Variants in PUF60 observed in about 807,000 individuals in gnomAD.
PUF60 encodes poly(U) binding splicing factor 60.
A neutral mutation model predicts 61.8 loss-of-function variants in PUF60; 10 were observed. That is an observed-to-expected ratio of 0.16 (90% confidence interval 0.10 to 0.27). The LOEUF (loss-of-function observed/expected upper bound fraction) is 0.27. Among genes scored for constraint, PUF60 ranks in the 10% least tolerant of loss-of-function variants. PUF60 has a pLI of 1.00. For missense variants in PUF60, 371 were observed against 754.0 expected (o/e 0.49, Z 5.95); for synonymous variants, 353 against 300.9 (o/e 1.17, Z -1.79).
rs940333309 is a variant in PUF60 at position 143,817,657 on chromosome 8, G to C, written c.943C>G (p.Pro315Ala). ...GCAGCGGCAGGTGGGAGGCCTCCAGGCGTGGCTGGTGTGAGTAGGGGCATG... is the reference window on the plus strand; with the variant it reads ...GCAGCGGCAGGTGGGAGGCCTCCAGCCGTGGCTGGTGTGAGTAGGGGCATG... Reference protein sequence around the residue: ...PPMPLLTPATPGGLPPAAAVA... With the variant: ...PPMPLLTPATAGGLPPAAAVA... The change falls in exon 9 of 12, where the codon CCT becomes GCT. Residue 315 changes from proline to alanine, a missense_variant. Pro to Ala is a conservative substitution (Grantham distance 27). Around this residue, in one of 13 missense-constraint regions of PUF60, gnomAD observed 17 missense variants for 19.2 expected, o/e 0.89. Coordinates refer to ENST00000526683, the MANE Select transcript of PUF60 (RefSeq NM_078480.3). The surrounding 1 kb of genome is among the most constrained non-coding windows in gnomAD (Gnocchi z 7.4). The C allele has an allele frequency of 6.2e-7, 1 of 1,612,496 alleles. No homozygotes were observed. Among genetic ancestry groups the C allele is most frequent in the Non-Finnish European group, 8.5e-7 (1 of 1,179,864 alleles).
chr8:143,824,722 G>T, intron 1 of PUF60: 1 of 388,322 alleles, frequency 2.6e-6, no homozygotes, highest in Non-Finnish European at 4.7e-6. Context: ...CAGGCTGGAC[G>T]GCCAAAGGAA....
chr8:143,827,407 G>T lies in PUF60; in HGVS notation c.24+1873C>A, dbSNP rs781539311. Reference sequence around the variant, plus strand: ...TACCCTTGCTGCAAAGAGGCAGCCGGCCTCATTCTGCAGCCACCAGGCAGA... The same window carrying T: ...TACCCTTGCTGCAAAGAGGCAGCCGTCCTCATTCTGCAGCCACCAGGCAGA... On this transcript the variant is annotated intron_variant, in intron 1 of 11. Coordinates refer to ENST00000526683, the MANE Select transcript of PUF60 (RefSeq NM_078480.3). 3.7e-5 allele frequency: 17 copies of T among 456,170 alleles called. No homozygotes were observed. Among genetic ancestry groups the T allele is most frequent in the Non-Finnish European group, 1.3e-5 (3 of 226,970 alleles). 28.3% of individuals were successfully genotyped at this position (456,170 alleles called of 1,614,324 possible). A position where few individuals can be genotyped will look rare whatever the true frequency, so the allele number is the denominator to read the frequency against.
Position 143,818,360 on chromosome 8 carries a change from C to T in PUF60, c.510+13G>A. The stretch of plus-strand genomic sequence containing the variant: ...CGAGCCCGAAGTGGCCGGGGCGGAC[C>T]AAGCCTGCTGACCTTGTGCTTCATG... On this transcript the variant is annotated intron_variant, in intron 6 of 11. Transcript: ENST00000526683. The surrounding 1 kb of genome is among the most constrained non-coding windows in gnomAD (Gnocchi z 7.9). The T allele has an allele frequency of 6.2e-7, 1 of 1,612,102 alleles. No homozygotes were observed. Among genetic ancestry groups the T allele is most frequent in the Non-Finnish European group, 8.5e-7 (1 of 1,179,372 alleles).
chr8:143,827,278 G>A, intron 1 of PUF60: 2 of 429,230 alleles, frequency 4.7e-6, no homozygotes, highest in Non-Finnish European at 9.4e-6. Flanking sequence ...ACAGAAGAAA[G>A]GAACTGGAAC....
At chr8:143,822,790 CAG>C in intron 2 of PUF60, 1 of 347,268 alleles carries the variant, frequency 2.9e-6, no homozygotes, top group Non-Finnish European at 5.8e-6. Flanking sequence ...GCAGGCCCAT[CAG>C]AGTGTGGGAT....
Position 143,818,311 on chromosome 8 carries a change from G to A in PUF60, c.511-26C>T, listed in dbSNP as rs775645628. The A allele has an allele frequency of 2.1e-5, 34 of 1,606,680 alleles. 1 individual carries two copies. Among genetic ancestry groups the A allele is most frequent in the Admixed American group, 1.8e-4 (11 of 59,714 alleles). ...CTAGACACAGGGACACACCTGTCAG[G>A]CTGCGCGAGCCCAGGGGTGGGGGCG... is the stretch of plus-strand genomic sequence containing the variant. On this transcript the variant is annotated intron_variant, in intron 6 of 11. Coordinates refer to ENST00000526683, the MANE Select transcript of PUF60 (RefSeq NM_078480.3). This position sits in a 1 kb window ranked among gnomAD's most constrained non-coding sequence, Gnocchi z 7.9.
rs1157108052 is a variant in PUF60, at chr8:143,817,866, G to A, written c.813C>T (p.Phe271=). Residue 271 remains phenylalanine (F), a synonymous_variant, in exon 8 of 12, where the codon TTC becomes TTT. Coordinates refer to ENST00000526683, the MANE Select transcript of PUF60 (RefSeq NM_078480.3). The surrounding 1 kb of genome is among the most constrained non-coding windows in gnomAD (Gnocchi z 7.4). ...PTTGKHKGYG[F]IEYEKAQSSQ... ...GCCTCAGCCACCCCAGCTCACCAAT[G>A]AAGCCGTAGCCCTTGTGCTTGCCAG... 5 of 1,611,328 alleles carry A rather than the reference G, an allele frequency of 3.1e-6. No individual in the cohort carries two copies. In the African/African-American group the frequency reaches 6.7e-5, roughly 22 times the overall value.
At chr8:143,821,245 G>A (rs910072678) in intron 4 of PUF60, 2 of 479,528 alleles carry the variant, frequency 4.2e-6, no homozygotes, top group Non-Finnish European at 3.8e-6. Context: ...GGGGCAGGGA[G>A]GCCCACGCCC....
At chr8:143,829,133 G>A in intron 1 of PUF60, 147 bp downstream of exon 1, 2 of 1,190,336 alleles carry the variant, frequency 1.7e-6, no homozygotes, top group Non-Finnish European at 2.1e-6. Context: ...CCCCGCCCCC[G>A]CCTCACGCGA....
chr8:143,821,065 C>T (rs1048560904), intron 4 of PUF60, among the ~76,000 whole-genome samples: 4 of 152,190 alleles, frequency 2.6e-5, no homozygotes, highest in South Asian at 2.1e-4. Context: ...AGGAACCTGT[C>T]GGCCTCACAC....
intron 2 of PUF60, among the ~76,000 whole-genome samples, chr8:143,823,951 C>CG (rs1245461872): frequency 5.3e-5 from 8 of 152,288 alleles, no homozygotes; most frequent in Non-Finnish European, 7.3e-5. Context: ...TCAAGCACTG[C>CG]GAGTTCTGGG....
chr8:143,821,020 G>C (rs1412508467), intron 4 of PUF60, among the ~76,000 whole-genome samples: 1 of 152,180 alleles, frequency 6.6e-6, no homozygotes, highest in African/African-American at 2.4e-5. Context: ...GTGAATGTCT[G>C]AGGGCTGGGC....
rs918980189 is a variant in PUF60 at position 143,817,577 on chromosome 8, T to G, written c.1008+15A>C. 2 of 1,610,286 alleles carry G rather than the reference T, an allele frequency of 1.2e-6. No homozygotes were observed. Among genetic ancestry groups the G allele is most frequent in the Non-Finnish European group, 8.5e-7 (1 of 1,179,118 alleles). On this transcript the variant is annotated intron_variant, in intron 9 of 11. Coordinates refer to ENST00000526683, the MANE Select transcript of PUF60 (RefSeq NM_078480.3). The surrounding 1 kb of genome is among the most constrained non-coding windows in gnomAD (Gnocchi z 7.4). The stretch of plus-strand genomic sequence containing the variant: ...GCCCGCCCACCCTCAAGCCGACAGC[T>G]GTGTGGGCCCTCACCTGAGCTGTGA...
Position 143,818,265 on chromosome 8 carries a change from A to G in PUF60, c.531T>C (p.Tyr177=), listed in dbSNP as rs753752456. 6.2e-7 allele frequency: 1 copy of G among 1,610,142 alleles called. No homozygotes were observed. The highest frequency in any genetic ancestry group is 2.2e-5 in the East Asian group (1 of 44,794). ...MKHKGFAFVE[Y]EVPEAAQLAL... ...CCAGCTGTGCAGCTTCGGGGACCTC[A>G]TACTCCACGAAGGCAAAGCCCTAGA... Residue 177 remains tyrosine (Y), a synonymous_variant, in exon 7 of 12, where the codon TAT becomes TAC. Transcript: ENST00000526683. The surrounding 1 kb of genome is among the most constrained non-coding windows in gnomAD (Gnocchi z 7.9).
rs1428392849 is a variant in PUF60, at chr8:143,816,474, C to A, written c.*46G>T. 6.4e-7 allele frequency: 1 copy of A among 1,567,948 alleles called. No homozygotes were observed. Among genetic ancestry groups the A allele is most frequent in the Admixed American group, 1.8e-5 (1 of 56,088 alleles). ...GACACCACTGTATCACTATAAAACC[C>A]AGAGGAAACAAGGAACAAGTGCAAG... On this transcript the variant is annotated 3_prime_UTR_variant, in exon 12 of 12. Coordinates refer to ENST00000526683, the MANE Select transcript of PUF60 (RefSeq NM_078480.3).
chr8:143,819,203 T>C (rs1332972728), intron 5 of PUF60, among the ~76,000 whole-genome samples: 3 of 151,968 alleles, frequency 2.0e-5, no homozygotes, highest in African/African-American at 7.2e-5. Context: ...GCGAGACCAC[T>C]GGCCTGGCCC....
chr8:143,821,730 G>A, intron 3 of PUF60, 44 bp from the exon 4 acceptor site: 2 of 1,546,028 alleles, frequency 1.3e-6, no homozygotes, highest in South Asian at 1.2e-5. Flanking sequence ...CCAGCCCATG[G>A]GAGACAGGCC....
intron 2 of PUF60, chr8:143,822,977 G>A (rs1025588232): frequency 1.1e-5 from 2 of 181,094 alleles, no homozygotes; most frequent in Non-Finnish European, 2.3e-5. Flanking sequence ...AGGCAGGAAG[G>A]GACAGGCTGG....
At chr8:143,821,223 A>G (rs1421818687) in intron 4 of PUF60, 1 of 441,596 alleles carries the variant, frequency 2.3e-6, no homozygotes, top group African/African-American at 2.0e-5. Context: ...GAGCAGTCTT[A>G]TCCAGGCCAC....
Sources: allele counts gnomAD v4.1 joint callset (sites outside exome capture counted in the v4.1 genomes callset), GRCh38; gene constraint gnomAD v4.1.1; regional missense constraint gnomAD v4.1.1; non-coding constraint Gnocchi (gnomAD v3.1); transcripts MANE v1.5; gene names NCBI Gene and HGNC (gene_info 2026-07-23, HGNC 2026-07-21).